Variants in DMBT1 observed in about 807,000 individuals in gnomAD.
DMBT1 encodes the protein scavenger receptor cysteine-rich domain-containing protein DMBT1.
In DMBT1, 198 loss-of-function variants were observed where a neutral mutation model predicts 252.9. That is an observed-to-expected ratio of 0.78 (90% CI 0.70 to 0.88). The LOEUF (loss-of-function observed/expected upper bound fraction) is 0.88, where lower values mean the gene tolerates loss of function less well. Ranked by LOEUF, DMBT1 falls within the 40% of genes least tolerant of loss-of-function variation. The pLI is 0.00. For missense variants in DMBT1, 2,432 were observed against 2,404.7 expected, an observed-to-expected ratio of 1.01 and a Z score of -0.24; for synonymous variants, 990 against 942.7, an observed-to-expected ratio of 1.05 and a Z score of -0.92.
Position 122,634,350 on chromosome 10 carries a change from T to TTCTTTCTTTC in DMBT1, c.6548+1011_6548+1020dup, listed in dbSNP as rs1469948371. On this transcript the variant is annotated intron_variant, in intron 52 of 55. Transcript: ENST00000338354. ...CATTACTAAAAGCACTTTTCTTTCT[T>TTCTTTCTTTC]TCTTTCTTTCTTTCTTTCTTTCTTT... is the stretch of plus-strand genomic sequence containing the variant. Among the ~76,000 whole-genome samples, 219 of 90,958 alleles carry TTCTTTCTTTC rather than the reference T, an allele frequency of 2.4e-3. 2 individuals are homozygous for TTCTTTCTTTC. Among genetic ancestry groups the TTCTTTCTTTC allele is most frequent in the South Asian group, 0.011 (29 of 2,714 alleles). 59.7% of individuals were successfully genotyped at this position (90,958 alleles called of 152,430 possible). A position where few individuals can be genotyped will look rare whatever the true frequency, so the allele number is the denominator to read the frequency against.
chr10:122,630,612 T>G, intron 48 of DMBT1, 122 bp downstream of exon 48: 2 of 1,068,356 alleles, frequency 1.9e-6, no homozygotes, highest in Non-Finnish European at 2.7e-6. Flanking sequence ...CCCATTCTCT[T>G]TCTCTTGGCA....
Position 122,643,457 on chromosome 10 carries a change from G to C in DMBT1, c.*59G>C, listed in dbSNP as rs1393811692. The C allele has an allele frequency of 7.1e-6, 11 of 1,542,540 alleles. No individual in the cohort carries two copies. The Admixed American group carries it at 1.9e-4, about 27-fold the overall frequency. ...CGCAGACCCCTGACTCGGGGACTTG[G>C]GATGTTCCTCTTGGTGTCATATTCC... On this transcript the variant is annotated 3_prime_UTR_variant, in exon 56 of 56. Coordinates refer to ENST00000338354, the MANE Select transcript of DMBT1 (RefSeq NM_001377530.1).
intron 44 of DMBT1, among the ~76,000 whole-genome samples, chr10:122,622,422 T>A (rs974209860): frequency 6.6e-6 from 1 of 152,218 alleles, no homozygotes; most frequent in Non-Finnish European, 1.5e-5. Flanking sequence ...TCCAGAATGT[T>A]TAGTGGTGGA....
Position 122,630,419 on chromosome 10 carries a change from C to T in DMBT1, c.5954C>T (p.Thr1985Ile). The change falls in exon 48 of 56, where the codon ACC becomes ATC. Residue 1985 changes from threonine to isoleucine, a missense_variant. Thr to Ile is a moderately conservative substitution (Grantham distance 89). This residue lies in a region of DMBT1 where 1,162 missense variants were observed against 1,169.0 expected (regional missense o/e 0.99). Coordinates refer to ENST00000338354, the MANE Select transcript of DMBT1 (RefSeq NM_001377530.1). ...TTTACATCTTCTTACAACCGAATGA[C>T]CATTCACTTTCGAAGTGACATCAGT... ...QIFTSSYNRM[T>I]IHFRSDISFQ... 2 of 1,613,954 alleles carry T rather than the reference C, an allele frequency of 1.2e-6. No homozygotes were observed. Among genetic ancestry groups the T allele is most frequent in the Non-Finnish European group, 1.7e-6 (2 of 1,179,894 alleles).
rs1304766495 is a variant in DMBT1, at chr10:122,598,952, T to C, written c.3135T>C (p.Asn1045=). The C allele has an allele frequency of 1.2e-6, 2 of 1,613,782 alleles. No homozygotes were observed. Among genetic ancestry groups the C allele is most frequent in the Admixed American group, 1.7e-5 (1 of 60,014 alleles). The stretch of plus-strand genomic sequence containing the variant: ...GCTGGGCCATGTCAGCCCCAGGAAA[T>C]GCCCGGTTTGGTCAGGGCTCAGGAC... ...GCGWAMSAPG[N]ARFGQGSGPI... The change falls in exon 26 of 56, where the codon AAT becomes AAC. Residue 1045 remains asparagine, a synonymous_variant. Coordinates refer to ENST00000338354, the MANE Select transcript of DMBT1 (RefSeq NM_001377530.1).
In DMBT1 at chr10:122,598,628, G is replaced by A. The variant is rs2097908457; in HGVS notation, c.2957-146G>A. 4 of 1,525,968 alleles carry A rather than the reference G, an allele frequency of 2.6e-6. No individual in the cohort carries two copies. The African/African-American group carries it at 4.1e-5, about 16-fold the overall frequency. 94.5% of individuals were successfully genotyped at this position (1,525,968 alleles called of 1,614,324 possible). A position where few individuals can be genotyped will look rare whatever the true frequency, so the allele number is the denominator to read the frequency against. ...TCACTGCTTCTTTGACTTTGATGAA[G>A]CTGAATCTCTGATTTTATTCATATT... On this transcript the variant is annotated intron_variant, in intron 25 of 55. Transcript: ENST00000338354.
intron 48 of DMBT1, 151 bp from the exon 49 acceptor site, chr10:122,630,810 C>T (rs980719393): frequency 5.2e-5 from 42 of 804,400 alleles, no homozygotes; most frequent in Non-Finnish European, 7.1e-5. Flanking sequence ...CTGCATGGAG[C>T]GGTCCAGTAC....
intron 1 of DMBT1, among the ~76,000 whole-genome samples, chr10:122,562,695 T>G (rs1300786637): frequency 6.6e-6 from 1 of 152,234 alleles, no homozygotes; most frequent in Non-Finnish European, 1.5e-5. Flanking sequence ...AGGACATTTG[T>G]AGTTTGCCCA....
rs563290866 is a variant in DMBT1, at chr10:122,626,094, C to T, written c.5668+129C>T. 4.0e-6 allele frequency: 3 copies of T among 754,854 alleles called. No homozygotes were observed. The South Asian group carries it at 4.4e-5, about 11-fold the overall frequency. The allele number at this position is 754,854 out of a possible 1,614,324, so 46.8% of individuals were successfully genotyped here. A position where few individuals can be genotyped will look rare whatever the true frequency, so the allele number is the denominator to read the frequency against. On this transcript the variant is annotated intron_variant, in intron 46 of 55. Coordinates refer to ENST00000338354, the MANE Select transcript of DMBT1 (RefSeq NM_001377530.1). Reference sequence around the variant, plus strand: ...CTGCACATAGCCCTGGCCTGTCCCACTATACCCTTCACCTCTTCATTTGAA... The same window carrying T: ...CTGCACATAGCCCTGGCCTGTCCCATTATACCCTTCACCTCTTCATTTGAA...
rs144398329 is a variant in DMBT1 at position 122,580,891 on chromosome 10, C to T, written c.1029C>T (p.Ser343=). 0.012 allele frequency: 18,754 copies of T among 1,612,770 alleles called. 1,113 individuals carry two copies. In the South Asian group the frequency reaches 0.13, roughly 12 times the overall value. Residue 343 remains serine, a synonymous_variant, in exon 11 of 56, where the codon AGC becomes AGT. Transcript: ENST00000338354. ...CTCCCCAGTCCCGGCCGACACCCAG[C>T]CCAGGTAGGTCCCCAGTGTCCTTCC... ...CSAPQSRPTP[S]PDTWPTSHAS...
chr10:122,622,718 T>A (rs1245598274), intron 44 of DMBT1, among the ~76,000 whole-genome samples: 5 of 152,182 alleles, frequency 3.3e-5, no homozygotes, highest in Admixed American at 2.6e-4. Context: ...CAGCCAGAGT[T>A]CTATACCCAT....
rs1406610569 is a variant in DMBT1 at position 122,634,727 on chromosome 10, C to T, written c.6549-1264C>T. ...GGTCAGGCTGGTCTTCAACTCCTGG[C>T]CTCAGGTTATCCTCCCACCTCGGCC... On this transcript the variant is annotated intron_variant, in intron 52 of 55. Transcript: ENST00000338354. Among the ~76,000 whole-genome samples the T allele has an allele frequency of 4.6e-5, 7 of 152,184 alleles. 1 individual carries two copies. In the East Asian group the frequency reaches 1.4e-3, roughly 29 times the overall value.
chr10:122,634,370 TTCTTTC>T (rs1210788700), intron 52 of DMBT1, among the ~76,000 whole-genome samples: 1 of 136,218 alleles, frequency 7.3e-6, no homozygotes, highest in Non-Finnish European at 1.6e-5. Flanking sequence ...CTTTCTTTCT[TTCTTTC>T]TTTCTTTCTT....
At chr10:122,619,743 T>C (rs2098043372) in intron 42 of DMBT1, among the ~76,000 whole-genome samples, 1 of 152,230 alleles carries the variant, frequency 6.6e-6, no homozygotes, top group Non-Finnish European at 1.5e-5. Context: ...GGGCAAGCAA[T>C]GTCAGTGCAG....
chr10:122,563,566 G>C (rs1006478515), intron 1 of DMBT1, among the ~76,000 whole-genome samples: 3 of 140,946 alleles, frequency 2.1e-5, no homozygotes, highest in Non-Finnish European at 4.5e-5. Context: ...CAGCCTGGGT[G>C]ACAGAGTGAG....
At chr10:122,641,204 T>C (rs1189153186) in intron 55 of DMBT1, among the ~76,000 whole-genome samples, 1 of 152,118 alleles carries the variant, frequency 6.6e-6, no homozygotes, top group Non-Finnish European at 1.5e-5. Flanking sequence ...TGCTCTACCA[T>C]AGCCCAGCTT....
intron 52 of DMBT1, among the ~76,000 whole-genome samples, chr10:122,634,067 G>A (rs1485046917): frequency 1.3e-5 from 2 of 152,348 alleles, no homozygotes; most frequent in Middle Eastern, 3.4e-3. Context: ...AGCCCTGGGA[G>A]TTGAAGGTTG....
rs2097588511 is a variant in DMBT1, at chr10:122,566,128, G to A, written c.91+132G>A. ...TGCCTTGTCGAATGCAGGAATGCCGGGGGGACAGGAGACGTGCGTGCCAAG... is the reference window on the plus strand; with the variant it reads ...TGCCTTGTCGAATGCAGGAATGCCGAGGGGACAGGAGACGTGCGTGCCAAG... On this transcript the variant is annotated intron_variant, in intron 2 of 55. Coordinates refer to ENST00000338354, the MANE Select transcript of DMBT1 (RefSeq NM_001377530.1). 4 of 937,032 alleles carry A rather than the reference G, an allele frequency of 4.3e-6. No homozygotes were observed. The East Asian group carries it at 1.0e-4, about 24-fold the overall frequency. 58.0% of individuals were successfully genotyped at this position (937,032 alleles called of 1,614,324 possible). A position where few individuals can be genotyped will look rare whatever the true frequency, so the allele number is the denominator to read the frequency against.
At chr10:122,566,324 TC>T (rs1348567787) in intron 2 of DMBT1, among the ~76,000 whole-genome samples, 14 of 66,234 alleles carry the variant, frequency 2.1e-4, no homozygotes, top group East Asian at 6.7e-4. Flanking sequence ...TTTTCTTTTT[TC>T]TTTTTGAGAT....
Sources: gnomAD v4.1 joint callset for allele counts (sites outside exome capture counted in the v4.1 genomes callset) on GRCh38, gnomAD v4.1.1 for gene constraint, gnomAD v4.1.1 regional missense constraint, MANE v1.5 for transcripts, NCBI Gene and HGNC (gene_info 2026-07-23, HGNC 2026-07-21) for gene names.